The following GSDME variants were observed in gnomAD, a reference collection of about 807,000 sequenced individuals.
GSDME encodes gasdermin E.
GSDME carries 44 observed loss-of-function variants against 47.5 expected under a neutral mutation model. The ratio of observed to expected loss-of-function variants is 0.93; its 90% confidence interval spans 0.73 to 1.19. The LOEUF (loss-of-function observed/expected upper bound fraction) is 1.19, where lower values mean the gene tolerates loss of function less well. Ranked by LOEUF, GSDME falls within the 50% of genes most tolerant of loss-of-function variation. The pLI is 0.00. For synonymous variants in GSDME, 258 were observed against 252.8 expected, an observed-to-expected ratio of 1.02 and a Z score of -0.20; for missense variants, 663 against 604.2, an observed-to-expected ratio of 1.10 and a Z score of -1.02.
the GSDME span, among the ~76,000 whole-genome samples, chr7:24,766,857 T>C: frequency 7.9e-5 from 12 of 152,230 alleles, no homozygotes; most frequent in Non-Finnish European, 2.9e-5. The surrounding 1 kb of genome is among the most constrained non-coding windows in gnomAD (Gnocchi z 4.2). Flanking sequence ...TTTCTAGTTC[T>C]AGATCCTTGA....
At chr7:24,794,847 T>G in the GSDME span, among the ~76,000 whole-genome samples, 1 of 152,108 alleles carries the variant, frequency 6.6e-6, no homozygotes, top group Non-Finnish European at 1.5e-5. Flanking sequence ...CCCCCAGCAA[T>G]TCACACTAAA....
At chr7:24,789,502 A>G in the GSDME span, among the ~76,000 whole-genome samples, 4 of 152,340 alleles carry the variant, frequency 2.6e-5, no homozygotes, top group African/African-American at 9.6e-5. Flanking sequence ...TGGGGGCTGC[A>G]TGCACCGGTA....
chr7:24,769,990 G>A, the GSDME span, among the ~76,000 whole-genome samples: 3 of 152,154 alleles, frequency 2.0e-5, no homozygotes, highest in African/African-American at 4.8e-5. Context: ...ACTCCTGCAC[G>A]GTAAGTTTGT....
chr7:24,710,366 C>G lies in GSDME; in HGVS notation c.720G>C (p.Lys240Asn). 3 of 1,614,232 alleles carry G rather than the reference C, an allele frequency of 1.9e-6. No individual in the cohort carries two copies. The highest frequency in any genetic ancestry group is 2.5e-6 in the Non-Finnish European group (3 of 1,180,034). ...TCTTCTTGTTCTCGAAGCCACCTTGCTTCCCTCGGAGAAGGCAGAACTCTG... is the reference window on the plus strand; with the variant it reads ...TCTTCTTGTTCTCGAAGCCACCTTGGTTCCCTCGGAGAAGGCAGAACTCTG... The part of the protein sequence containing the change: ...GQFEFCLLRG[K>N]QGGFENKKRI... Residue 240 changes from lysine (K) to asparagine (N), a missense_variant, in exon 6 of 10, where the codon AAG becomes AAC. By Grantham distance (94) the Lys-to-Asn change is moderately conservative. Transcript: ENST00000645220.
the GSDME span, among the ~76,000 whole-genome samples, chr7:24,774,263 TCTTCCCTCCCTCCCTCCCTTCCTCCCTC>T: frequency 0.033 from 920 of 27,984 alleles, 20 homozygotes; most frequent in African/African-American, 0.15. Context: ...CTCCCTCCCT[TCTTCCCTCCCTCCCTCCCTTCCTCCCTC>T]CCTCCCTCCC....
At position 24,726,859 on chromosome 7, in the gene GSDME, C is replaced by G. The variant is rs1789987401; in HGVS notation, c.405-7641G>C. ...CGAGGAAGAGTTTCCAATGGAAACCCTGGGGAGCCTGGTAAGGCTCTCCAA... is the reference window on the plus strand; with the variant it reads ...CGAGGAAGAGTTTCCAATGGAAACCGTGGGGAGCCTGGTAAGGCTCTCCAA... On this transcript the variant is annotated intron_variant, in intron 3 of 9. Coordinates refer to ENST00000645220, the MANE Select transcript of GSDME (RefSeq NM_001127453.2). The surrounding 1 kb of genome is among the most constrained non-coding windows in gnomAD (Gnocchi z 5.6). Among the ~76,000 whole-genome samples, 4 of 151,462 alleles carry G rather than the reference C, an allele frequency of 2.6e-5. No homozygotes were observed. The highest frequency in any genetic ancestry group is 2.6e-4 in the Admixed American group (4 of 15,224).
At chr7:24,737,115 A>G (rs1790330956) in intron 3 of GSDME, among the ~76,000 whole-genome samples, 1 of 152,126 alleles carries the variant, frequency 6.6e-6, no homozygotes, top group Admixed American at 6.5e-5. Context: ...TCAAGATCAA[A>G]CCAAATCCAA....
chr7:24,743,629 C>T (rs1232410250), intron 3 of GSDME, among the ~76,000 whole-genome samples: 2 of 152,156 alleles, frequency 1.3e-5, no homozygotes, highest in Non-Finnish European at 2.9e-5. Flanking sequence ...GGACTTGGCG[C>T]CCCACCCCTT....
rs1242387718 is a variant in GSDME at position 24,745,686 on chromosome 7, T to A, written c.212-932A>T. Among the ~76,000 whole-genome samples the A allele has an allele frequency of 6.6e-6, 1 of 152,060 alleles. No individual in the cohort carries two copies. Among genetic ancestry groups the A allele is most frequent in the African/African-American group, 2.4e-5 (1 of 41,408 alleles). Reference sequence around the variant, plus strand: ...TAGGAGGCTGAGGCAGGAGGATCCCTTGAGGTCAGAAGTTCAAGACCAACC... The same window carrying A: ...TAGGAGGCTGAGGCAGGAGGATCCCATGAGGTCAGAAGTTCAAGACCAACC... On this transcript the variant is annotated intron_variant, in intron 2 of 9. Transcript: ENST00000645220. The surrounding 1 kb of genome is among the most constrained non-coding windows in gnomAD (Gnocchi z 4.4).
In GSDME at chr7:24,744,590, G is replaced by A. The variant is rs946649518; in HGVS notation, c.376C>T (p.Gln126Ter). The A allele has an allele frequency of 6.2e-7, 1 of 1,614,046 alleles. No individual in the cohort carries two copies. Among genetic ancestry groups the A allele is most frequent in the African/African-American group, 1.3e-5 (1 of 74,904 alleles). Residue 126 changes from glutamine to a stop codon, truncating the protein, a stop_gained, in exon 3 of 10, where the codon CAG becomes TAG. Coordinates refer to ENST00000645220, the MANE Select transcript of GSDME (RefSeq NM_001127453.2). LOFTEE classifies it high-confidence loss of function. The surrounding 1 kb of genome is among the most constrained non-coding windows in gnomAD (Gnocchi z 4.5). ...GTLRKQEVDL[Q>*]QLIRDSAERT... The stretch of plus-strand genomic sequence containing the variant: ...TCGGCAGAGTCTCTGATGAGCTGCT[G>A]CAAATCCACCTCCTGCTTCCTCAGG...
At chr7:24,771,887 G>A in the GSDME span, among the ~76,000 whole-genome samples, 1 of 152,192 alleles carries the variant, frequency 6.6e-6, no homozygotes, top group Non-Finnish European at 1.5e-5. This position sits in a 1 kb window ranked among gnomAD's most constrained non-coding sequence, Gnocchi z 4.1. Context: ...CAGCTCCACT[G>A]GAGAGCCTGA....
At chr7:24,715,373 T>G in intron 5 of GSDME, 1 of 449,588 alleles carries the variant, frequency 2.2e-6, no homozygotes, top group Admixed American at 2.4e-5. Context: ...AGGGTAACCA[T>G]GCTGGGTGAT....
At chr7:24,738,815 C>T (rs759074322) in intron 3 of GSDME, among the ~76,000 whole-genome samples, 25 of 152,152 alleles carry the variant, frequency 1.6e-4, no homozygotes, top group Non-Finnish European at 2.9e-5. Context: ...ATGGAGAATC[C>T]GGAAACAAAT....
chr7:24,702,630 A>C (rs1055058875), intron 9 of GSDME, 130 bp downstream of exon 9: 11 of 761,876 alleles, frequency 1.4e-5, no homozygotes, highest in Non-Finnish European at 2.6e-5. Context: ...TAATAACAAT[A>C]CTTACTTAAT....
chr7:24,768,812 A>C, the GSDME span, among the ~76,000 whole-genome samples: 1 of 152,258 alleles, frequency 6.6e-6, no homozygotes, highest in Admixed American at 6.5e-5. This position sits in a 1 kb window ranked among gnomAD's most constrained non-coding sequence, Gnocchi z 5.6. Flanking sequence ...AACAGCATTT[A>C]TATTACATTG....
At chr7:24,723,201 G>A (rs1584076474) in intron 3 of GSDME, among the ~76,000 whole-genome samples, 3 of 152,184 alleles carry the variant, frequency 2.0e-5, no homozygotes, top group African/African-American at 7.2e-5. Flanking sequence ...CAGGGACAGC[G>A]GGGAAGCTAC....
At chr7:24,791,635 C>A in the GSDME span, among the ~76,000 whole-genome samples, 367 of 152,334 alleles carry the variant, frequency 2.4e-3, 2 homozygotes, top group African/African-American at 8.5e-3. This position sits in a 1 kb window ranked among gnomAD's most constrained non-coding sequence, Gnocchi z 4.8. Flanking sequence ...GATCCATCTT[C>A]TTCTATCACC....
In GSDME at chr7:24,749,607, G is replaced by A; in HGVS notation, c.168C>T (p.Leu56=). The change falls in exon 2 of 10, where the codon CTC becomes CTT. Residue 56 remains leucine (L), a synonymous_variant. Coordinates refer to ENST00000645220, the MANE Select transcript of GSDME (RefSeq NM_001127453.2). ...WQRPKYQFLS[L]TLGDVLIEDQ... The stretch of plus-strand genomic sequence containing the variant: ...CTTCTATGAGTACATCGCCAAGGGT[G>A]AGGGATAAAAACTGGTACTTGGGTC... 6.2e-7 allele frequency: 1 copy of A among 1,614,002 alleles called. No individual in the cohort carries two copies. Among genetic ancestry groups the A allele is most frequent in the Non-Finnish European group, 8.5e-7 (1 of 1,180,028 alleles).
chr7:24,753,563 A>G (rs1252226002), intron 1 of GSDME, among the ~76,000 whole-genome samples: 1 of 152,210 alleles, frequency 6.6e-6, no homozygotes. Context: ...GGGTAAATGC[A>G]TCTGTAATTG....
Sources: allele counts gnomAD v4.1 joint callset (sites outside exome capture counted in the v4.1 genomes callset), GRCh38; gene constraint gnomAD v4.1.1; non-coding constraint Gnocchi (gnomAD v3.1); transcripts MANE v1.5; gene names NCBI Gene and HGNC (gene_info 2026-07-23, HGNC 2026-07-21).